Variants in ARB2A observed in about 807,000 individuals in gnomAD.
The protein encoded by ARB2A is ARB2 cotranscriptional regulator A, also known as cotranscriptional regulator ARB2A.
chr5:93,869,331 G>C, the ARB2A span, among the ~76,000 whole-genome samples: 3 of 152,252 alleles, frequency 2.0e-5, no homozygotes, highest in Admixed American at 2.0e-4. Flanking sequence ...TTGAGGCACA[G>C]TCCATCTAAT....
chr5:93,946,415 T>G, the ARB2A span, among the ~76,000 whole-genome samples: 9 of 152,132 alleles, frequency 5.9e-5, no homozygotes, highest in African/African-American at 2.2e-4. Context: ...AATGAAGATC[T>G]GAATTAAAAA....
At chr5:94,013,135 T>C in the ARB2A span, among the ~76,000 whole-genome samples, 1 of 151,994 alleles carries the variant, frequency 6.6e-6, no homozygotes, top group African/African-American at 2.4e-5. Context: ...TTTCAACCAG[T>C]TTTTAAATCT....
the ARB2A span, among the ~76,000 whole-genome samples, chr5:93,835,152 C>G: frequency 6.6e-6 from 1 of 152,170 alleles, no homozygotes; most frequent in African/African-American, 2.4e-5. Context: ...CATCACTAAT[C>G]CTTAAATGCC....
the ARB2A span, among the ~76,000 whole-genome samples, chr5:93,811,841 C>T: frequency 3.7e-4 from 56 of 152,224 alleles, no homozygotes; most frequent in African/African-American, 1.3e-3. Context: ...CCTTCTGATT[C>T]GCAAGAGACT....
At chr5:93,881,005 C>A in the ARB2A span, among the ~76,000 whole-genome samples, 2 of 151,616 alleles carry the variant, frequency 1.3e-5, no homozygotes, top group Non-Finnish European at 3.0e-5. Flanking sequence ...AACCTTACCC[C>A]CCAAGATGAA....
At chr5:93,678,237 G>A in the ARB2A span, among the ~76,000 whole-genome samples, 1 of 152,164 alleles carries the variant, frequency 6.6e-6, no homozygotes, top group African/African-American at 2.4e-5. Context: ...TTTAGTTCCT[G>A]AGAAGCTTCA....
the ARB2A span, among the ~76,000 whole-genome samples, chr5:94,035,653 C>A: frequency 1.3e-5 from 2 of 152,106 alleles, no homozygotes; most frequent in African/African-American, 2.4e-5. Flanking sequence ...CACATATACA[C>A]CATGGAATAC....
the ARB2A span, among the ~76,000 whole-genome samples, chr5:94,045,134 AAAC>A: frequency 6.7e-6 from 1 of 149,432 alleles, no homozygotes; most frequent in Non-Finnish European, 1.5e-5. Flanking sequence ...AAAAAAAAAA[AAAC>A]AACAACCAAA....
the ARB2A span, among the ~76,000 whole-genome samples, chr5:94,041,296 A>T: frequency 3.3e-5 from 5 of 151,872 alleles, no homozygotes; most frequent in Non-Finnish European, 7.4e-5. Context: ...AGCTTAGGAC[A>T]CCTGTAAGCC....
chr5:93,832,833 C>T, the ARB2A span, among the ~76,000 whole-genome samples: 9 of 152,074 alleles, frequency 5.9e-5, no homozygotes, highest in Admixed American at 2.0e-4. Flanking sequence ...ACTTCCATTT[C>T]GAAATTTATT....
chr5:93,979,391 T>C, the ARB2A span, among the ~76,000 whole-genome samples: 1 of 152,122 alleles, frequency 6.6e-6, no homozygotes, highest in Admixed American at 6.5e-5. Flanking sequence ...GTAGTGTTTC[T>C]ACAAATAGTA....
the ARB2A span, among the ~76,000 whole-genome samples, chr5:93,709,515 C>T: frequency 6.6e-6 from 1 of 151,050 alleles, no homozygotes; most frequent in Non-Finnish European, 1.5e-5. Context: ...CACCTGTAAT[C>T]CCAGCTACTT....
At chr5:93,719,414 G>A in the ARB2A span, among the ~76,000 whole-genome samples, 2 of 152,134 alleles carry the variant, frequency 1.3e-5, no homozygotes, top group East Asian at 1.9e-4. Flanking sequence ...CTGGCCCGAA[G>A]CCACATATAG....
At chr5:94,083,708 C>A in the ARB2A span, among the ~76,000 whole-genome samples, 1 of 151,402 alleles carries the variant, frequency 6.6e-6, no homozygotes, top group Non-Finnish European at 1.5e-5. Flanking sequence ...TGCAGTAGGA[C>A]ACTGAAAATA....
At chr5:93,950,718 A>C in the ARB2A span, among the ~76,000 whole-genome samples, 1 of 151,722 alleles carries the variant, frequency 6.6e-6, no homozygotes, top group Non-Finnish European at 1.5e-5. Context: ...GCCAAGGTGG[A>C]CAGATCACGA....
the ARB2A span, among the ~76,000 whole-genome samples, chr5:94,071,220 CCTA>C: frequency 9.2e-5 from 14 of 151,816 alleles, no homozygotes; most frequent in African/African-American, 3.4e-4. Context: ...TGAAACGAAA[CCTA>C]CTAATATATG....
the ARB2A span, among the ~76,000 whole-genome samples, chr5:93,664,032 A>G: frequency 8.2e-4 from 125 of 152,186 alleles, no homozygotes; most frequent in East Asian, 0.016. Context: ...TGTAGGCCTT[A>G]TAAAACATAC....
chr5:93,978,492 A>G, the ARB2A span, among the ~76,000 whole-genome samples: 1 of 152,200 alleles, frequency 6.6e-6, no homozygotes, highest in Admixed American at 6.5e-5. Context: ...GAAGACCATT[A>G]TCCTAAGTGA....
the ARB2A span, among the ~76,000 whole-genome samples, chr5:94,075,648 G>A: frequency 6.6e-6 from 1 of 151,996 alleles, no homozygotes; most frequent in Non-Finnish European, 1.5e-5. Flanking sequence ...ATATTCCTCT[G>A]AGGAATCAAA....
Sources: allele counts gnomAD v4.1 joint callset (sites outside exome capture counted in the v4.1 genomes callset), GRCh38; gene constraint gnomAD v4.1.1; transcripts MANE v1.5; gene names NCBI Gene and HGNC (gene_info 2026-07-23, HGNC 2026-07-21).